PCDHA2: variants seen among roughly 807,000 people sequenced by gnomAD.
PCDHA2 encodes the protein protocadherin alpha-2.
PCDHA2 carries 58 observed loss-of-function variants against 66.0 expected under a neutral mutation model. That is an observed-to-expected ratio of 0.88 (90% CI 0.71 to 1.09). PCDHA2 has a LOEUF of 1.09. PCDHA2 is among the 50% of genes least tolerant of loss of function. The probability of loss-of-function intolerance (pLI) is 0.00; values close to 1 mark genes in which losing one functional copy is unlikely to be tolerated. For synonymous variants in PCDHA2, 634 were observed against 554.0 expected, an observed-to-expected ratio of 1.14 and a Z score of -2.03; for missense variants, 1,267 against 1,242.3, an observed-to-expected ratio of 1.02 and a Z score of -0.30.
At chr5:140,912,385 C>A (rs1323082765) in intron 1 of PCDHA2, among the ~76,000 whole-genome samples, 6 of 148,114 alleles carry the variant, frequency 4.1e-5, no homozygotes, top group African/African-American at 1.5e-4. Context: ...GGATTGAGTT[C>A]TTAATTTGAT....
At chr5:140,803,774 A>C (rs1277050704) in intron 1 of PCDHA2, 1 of 1,024,518 alleles carries the variant, frequency 9.8e-7, no homozygotes, top group Admixed American at 2.8e-5. Flanking sequence ...GAACCAAATC[A>C]GCAGTAAGTT....
intron 1 of PCDHA2, among the ~76,000 whole-genome samples, chr5:140,933,221 G>A (rs952837794): frequency 2.0e-5 from 3 of 151,758 alleles, no homozygotes; most frequent in Non-Finnish European, 4.4e-5. Flanking sequence ...CTGTTATATT[G>A]CATTTATGAA....
chr5:140,823,840 G>T, intron 1 of PCDHA2: 1 of 1,613,840 alleles, frequency 6.2e-7, no homozygotes, highest in East Asian at 2.2e-5. Flanking sequence ...TGTGGGTCCC[G>T]AGGCTGCCCT....
chr5:140,917,338 G>GGGGGGGT (rs2078134893), intron 1 of PCDHA2, among the ~76,000 whole-genome samples: 1 of 137,894 alleles, frequency 7.3e-6, no homozygotes, highest in Non-Finnish European at 1.6e-5. Context: ...GGAGGGGGGG[G>GGGGGGGT]ATGGTGTAGG....
chr5:141,000,689 A>G (rs1469257297), intron 3 of PCDHA2, among the ~76,000 whole-genome samples: 1 of 151,438 alleles, frequency 6.6e-6, no homozygotes, highest in African/African-American at 2.4e-5. Context: ...CTGCCTCCCA[A>G]AGTGCTGGGA....
intron 1 of PCDHA2, among the ~76,000 whole-genome samples, chr5:140,940,415 A>G (rs1187271340): frequency 2.0e-5 from 3 of 152,118 alleles, no homozygotes; most frequent in African/African-American, 7.2e-5. Flanking sequence ...TAAAAATTAT[A>G]ATTATTACTG....
At chr5:140,957,398 T>A (rs1162675184) in intron 1 of PCDHA2, among the ~76,000 whole-genome samples, 1 of 152,186 alleles carries the variant, frequency 6.6e-6, no homozygotes, top group Non-Finnish European at 1.5e-5. Flanking sequence ...ATTGTCCTAA[T>A]TTATTATTAT....
chr5:140,814,430 T>C (rs1433195135), intron 1 of PCDHA2: 3 of 151,644 alleles, frequency 2.0e-5, no homozygotes, highest in African/African-American at 7.3e-5. Context: ...CCTGAGGCTG[T>C]TTTGTGGTGA....
At chr5:140,927,596 G>C in intron 1 of PCDHA2, 3 of 1,614,162 alleles carry the variant, frequency 1.9e-6, no homozygotes, top group Non-Finnish European at 2.5e-6. Flanking sequence ...GTATTTGAGC[G>C]CTCCGTATAC....
chr5:140,953,641 G>A (rs246029), intron 1 of PCDHA2, among the ~76,000 whole-genome samples: 85,647 of 151,972 alleles, frequency 0.56, 24,761 homozygotes, highest in African/African-American at 0.69. Context: ...TTTTGGCCAG[G>A]AGCTATAGTT....
At chr5:140,929,160 T>G in intron 1 of PCDHA2, 1 of 1,614,130 alleles carries the variant, frequency 6.2e-7, no homozygotes, top group East Asian at 2.2e-5. Context: ...CTTATCTCTA[T>G]CGGGCCTCTC....
At chr5:140,946,893 A>T (rs1233227457) in intron 1 of PCDHA2, among the ~76,000 whole-genome samples, 1 of 151,482 alleles carries the variant, frequency 6.6e-6, no homozygotes, top group African/African-American at 2.4e-5. Context: ...TTACAATTAG[A>T]TAGGAAGAAT....
chr5:140,906,194 A>C (rs543979654), intron 1 of PCDHA2, among the ~76,000 whole-genome samples: 6 of 152,288 alleles, frequency 3.9e-5, no homozygotes, highest in African/African-American at 1.2e-4. Context: ...AATCCAATCA[A>C]GTTGACACTC....
chr5:140,834,722 G>T (rs1773225539), intron 1 of PCDHA2: 1 of 1,614,146 alleles, frequency 6.2e-7, no homozygotes, highest in Non-Finnish European at 8.5e-7. Context: ...TGGAAAGGCC[G>T]CTGCAGGTTT....
At chr5:140,969,374 G>A (rs1554231740) in intron 1 of PCDHA2, 1 of 1,606,076 alleles carries the variant, frequency 6.2e-7, no homozygotes, top group South Asian at 1.1e-5. Flanking sequence ...TCATGCATTT[G>A]TTACACATCC....
intron 1 of PCDHA2, chr5:140,804,662 A>G (rs1396834660): frequency 6.3e-6 from 1 of 157,588 alleles, no homozygotes; most frequent in Non-Finnish European, 1.4e-5. Flanking sequence ...GTGCCATGCA[A>G]TAAGTAGAAA....
intron 1 of PCDHA2, chr5:140,835,471 C>G: frequency 6.2e-7 from 1 of 1,613,934 alleles, no homozygotes. Context: ...CCAGAGGACG[C>G]CCAACCAGGT....
At chr5:140,926,268 T>A (rs1166651492) in intron 1 of PCDHA2, 1 of 152,208 alleles carries the variant, frequency 6.6e-6, no homozygotes, top group Non-Finnish European at 1.5e-5. Context: ...TCTCGCCGCC[T>A]CCGCTCGGCA....
At position 140,953,007 on chromosome 5, in the gene PCDHA2, T is replaced by C. The variant is rs186896706; in HGVS notation, c.2389-25942T>C. ...TCTCATGAGAACTCTCTCACTATTA[T>C]GAGAACAACATTAAGGGGGAAATCC... On this transcript the variant is annotated intron_variant, in intron 1 of 3. Transcript: ENST00000526136. 5.5e-4 allele frequency among the ~76,000 whole-genome samples: 84 copies of C among 152,242 alleles called. 1 individual carries two copies. In the East Asian group the frequency reaches 0.015, roughly 27 times the overall value.
Sources: allele counts gnomAD v4.1 joint callset (sites outside exome capture counted in the v4.1 genomes callset), GRCh38; gene constraint gnomAD v4.1.1; transcripts MANE v1.5; gene names NCBI Gene and HGNC (gene_info 2026-07-23, HGNC 2026-07-21).